Variants in SIRPD observed in about 807,000 individuals in gnomAD.
SIRPD encodes the protein signal-regulatory protein delta.
In SIRPD, 21 loss-of-function variants were observed where a neutral mutation model predicts 18.0. That is an observed-to-expected ratio of 1.17 (90% CI 0.83 to 1.68). SIRPD has a LOEUF of 1.68. SIRPD is among the 40% of genes most tolerant of loss of function. The pLI is 0.00. For missense variants in SIRPD, 295 were observed against 238.4 expected (o/e 1.24, Z -1.56); for synonymous variants, 106 against 92.9 (o/e 1.14, Z -0.81).
chr20:1,546,324 G>C (rs1459500259), intron 2 of SIRPD, among the ~76,000 whole-genome samples: 1 of 152,224 alleles, frequency 6.6e-6, no homozygotes, highest in Non-Finnish European at 1.5e-5. Flanking sequence ...TGCACAGAGA[G>C]GAAGAATCTA....
At chr20:1,537,888 G>C (rs542196375) in intron 2 of SIRPD, among the ~76,000 whole-genome samples, 18 of 152,254 alleles carry the variant, frequency 1.2e-4, no homozygotes, top group African/African-American at 4.3e-4. Flanking sequence ...TGTCAAGCGG[G>C]GGGTGCAGGG....
intron 3 of SIRPD, among the ~76,000 whole-genome samples, chr20:1,535,344 T>G (rs1346576777): frequency 6.6e-6 from 1 of 152,168 alleles, no homozygotes; most frequent in Non-Finnish European, 1.5e-5. Flanking sequence ...TGCTATAGTT[T>G]AAATATTTGT....
At chr20:1,554,262 G>A (rs147679607) in intron 1 of SIRPD, 10 of 152,752 alleles carry the variant, frequency 6.5e-5, no homozygotes, top group African/African-American at 2.4e-4. Context: ...AAAGTCTGAG[G>A]CTATTTCACC....
chr20:1,551,763 A>G lies in SIRPD; in HGVS notation c.349T>C (p.Cys117Arg). Reference protein sequence around the residue: ...ISLADAGTYYCVKFIKGRAIK... With the variant: ...ISLADAGTYYRVKFIKGRAIK... ...GCTCTTCCTTTTATGAACTTCACGC[A>G]GTAATAGGTGCCAGCATCAGCAAGA... Residue 117 changes from cysteine (C) to arginine (R), a missense_variant, in exon 2 of 4, where the codon TGC becomes CGC. By Grantham distance (180) the Cys-to-Arg change is radical (BLOSUM62 -3). Transcript: ENST00000381623. 1 of 1,614,118 alleles carries G rather than the reference A, an allele frequency of 6.2e-7. No homozygotes were observed. Among genetic ancestry groups the G allele is most frequent in the Non-Finnish European group, 8.5e-7 (1 of 1,179,976 alleles).
At chr20:1,555,712 A>G (rs2091037511) in intron 1 of SIRPD, among the ~76,000 whole-genome samples, 1 of 152,256 alleles carries the variant, frequency 6.6e-6, no homozygotes, top group African/African-American at 2.4e-5. Context: ...TTTATTTTGA[A>G]TGGTTTTGCC....
chr20:1,535,373 T>G (rs997952368), intron 3 of SIRPD, among the ~76,000 whole-genome samples: 1 of 152,202 alleles, frequency 6.6e-6, no homozygotes, highest in Non-Finnish European at 1.5e-5. Context: ...AAATTCATGT[T>G]GAAATTCAAT....
intron 1 of SIRPD, among the ~76,000 whole-genome samples, chr20:1,552,777 G>A (rs2091025226): frequency 6.6e-6 from 1 of 152,070 alleles, no homozygotes; most frequent in Non-Finnish European, 1.5e-5. Context: ...ACTGCCTAAG[G>A]AGCAGGTTAG....
chr20:1,538,147 T>G (rs932049168), intron 2 of SIRPD, among the ~76,000 whole-genome samples: 3 of 152,158 alleles, frequency 2.0e-5, no homozygotes, highest in Non-Finnish European at 2.9e-5. Context: ...TGCCAGACAC[T>G]GCCTCCTGTG....
At chr20:1,556,493 T>G (rs2091042030) in intron 1 of SIRPD, among the ~76,000 whole-genome samples, 1 of 152,238 alleles carries the variant, frequency 6.6e-6, no homozygotes, top group Non-Finnish European at 1.5e-5. Flanking sequence ...TTGAATTGTA[T>G]GCCTCCGAAA....
At chr20:1,545,665 A>C (rs1190716015) in intron 2 of SIRPD, among the ~76,000 whole-genome samples, 1 of 152,206 alleles carries the variant, frequency 6.6e-6, no homozygotes, top group Non-Finnish European at 1.5e-5. Context: ...CTTGCTGGCG[A>C]GGAGATGTCA....
At chr20:1,543,643 T>C (rs2090981506) in intron 2 of SIRPD, among the ~76,000 whole-genome samples, 1 of 152,222 alleles carries the variant, frequency 6.6e-6, no homozygotes, top group African/African-American at 2.4e-5. Flanking sequence ...TGATCTTAGT[T>C]ACTTCTTGTC....
chr20:1,551,689 A>G lies in SIRPD; in HGVS notation c.421+2T>C. Reference sequence around the variant, plus strand: ...GGTATGGGGTATAGGAGACATACTCACCAGTAACAAACACCTGAGTGCCCC... The same window carrying G: ...GGTATGGGGTATAGGAGACATACTCGCCAGTAACAAACACCTGAGTGCCCC... On this transcript the variant is annotated splice_donor_variant, in intron 2 of 3. Transcript: ENST00000381623. LOFTEE classifies it high-confidence loss of function. 1 of 1,609,432 alleles carries G rather than the reference A, an allele frequency of 6.2e-7. No individual in the cohort carries two copies. Among genetic ancestry groups the G allele is most frequent in the South Asian group, 1.1e-5 (1 of 90,626 alleles).
chr20:1,539,096 T>G (rs1455668487), intron 2 of SIRPD, among the ~76,000 whole-genome samples: 1 of 152,210 alleles, frequency 6.6e-6, no homozygotes, highest in Non-Finnish European at 1.5e-5. Flanking sequence ...GTTTCAATCA[T>G]TTTTATTTTT....
At chr20:1,557,427 G>C in intron 1 of SIRPD, 154 bp downstream of exon 1, 1 of 552,158 alleles carries the variant, frequency 1.8e-6, no homozygotes. Context: ...CAGAATTGGG[G>C]ACCATCCCAG....
chr20:1,548,941 C>G (rs1282637921), intron 2 of SIRPD, among the ~76,000 whole-genome samples: 2 of 152,062 alleles, frequency 1.3e-5, no homozygotes, highest in Non-Finnish European at 2.9e-5. Flanking sequence ...TCTTTCTCCT[C>G]TCCTTCTGCT....
At chr20:1,543,683 A>T (rs561006403) in intron 2 of SIRPD, among the ~76,000 whole-genome samples, 55 of 151,874 alleles carry the variant, frequency 3.6e-4, no homozygotes, top group Admixed American at 6.6e-4. Flanking sequence ...TGTTTGCTCT[A>T]GCTTCTCTAG....
chr20:1,557,468 A>G (rs1175114359), intron 1 of SIRPD, 113 bp downstream of exon 1: 15 of 922,934 alleles, frequency 1.6e-5, no homozygotes, highest in African/African-American at 3.4e-5. Flanking sequence ...CTGTTCTGGG[A>G]TAAGATGGAG....
intron 1 of SIRPD, among the ~76,000 whole-genome samples, chr20:1,555,641 T>A (rs975857947): frequency 3.3e-5 from 5 of 152,160 alleles, no homozygotes; most frequent in Admixed American, 2.6e-4. Flanking sequence ...AGATAAAATT[T>A]AAAAAACCAT....
chr20:1,550,768 C>G (rs1884982009), intron 2 of SIRPD, among the ~76,000 whole-genome samples: 1 of 152,202 alleles, frequency 6.6e-6, no homozygotes, highest in South Asian at 2.1e-4. Flanking sequence ...TGAAATCTCC[C>G]TGAGTTAGGT....
Sources: allele counts gnomAD v4.1 joint callset (sites outside exome capture counted in the v4.1 genomes callset), GRCh38; gene constraint gnomAD v4.1.1; transcripts MANE v1.5; gene names NCBI Gene and HGNC (gene_info 2026-07-23, HGNC 2026-07-21).